The following LRRC4C variants were observed in gnomAD, a reference collection of about 807,000 sequenced individuals.
LRRC4C encodes the protein leucine rich repeat containing 4C.
In LRRC4C, 5 loss-of-function variants were observed where a neutral mutation model predicts 33.6. The ratio of observed to expected loss-of-function variants is 0.15; its 90% confidence interval spans 0.08 to 0.31. The LOEUF is 0.31. Ranked by LOEUF, LRRC4C falls within the 10% of genes least tolerant of loss-of-function variation. LRRC4C has a pLI of 1.00. For missense variants in LRRC4C, 560 were observed against 796.7 expected (o/e 0.70, Z 3.58); for synonymous variants, 329 against 302.0 (o/e 1.09, Z -0.93).
chr11:40,777,220 T>C (rs1450572752), intron 2 of LRRC4C, among the ~76,000 whole-genome samples: 1 of 152,210 alleles, frequency 6.6e-6, no homozygotes, highest in Non-Finnish European at 1.5e-5. Flanking sequence ...GAGTATTCTG[T>C]AGATGTCTAT....
At chr11:41,430,868 A>T (rs930794616) in intron 1 of LRRC4C, among the ~76,000 whole-genome samples, 2 of 151,942 alleles carry the variant, frequency 1.3e-5, no homozygotes, top group Non-Finnish European at 2.9e-5. Flanking sequence ...TTCTCATCTT[A>T]CTTTTTCCCC....
At position 40,806,763 on chromosome 11, in the gene LRRC4C, G is replaced by C. The variant is rs202129250; in HGVS notation, c.-407+126872C>G. ...TTTAGTCCCAGAAATGTATACATCTGCTTACTACATCTACTATTAGAATCT... is the reference window on the plus strand; with the variant it reads ...TTTAGTCCCAGAAATGTATACATCTCCTTACTACATCTACTATTAGAATCT... On this transcript the variant is annotated intron_variant, in intron 2 of 6. Coordinates refer to ENST00000528697, the MANE Select transcript of LRRC4C (RefSeq NM_001258419.2). Among the ~76,000 whole-genome samples the C allele has an allele frequency of 7.2e-5, 11 of 152,174 alleles. No individual in the cohort carries two copies. The East Asian group carries it at 1.9e-3, about 27-fold the overall frequency.
chr11:41,389,426 G>A (rs927524969), intron 1 of LRRC4C, among the ~76,000 whole-genome samples: 1 of 151,640 alleles, frequency 6.6e-6, no homozygotes, highest in Non-Finnish European at 1.5e-5. Context: ...AAAACACACA[G>A]CGACTAAGTT....
intron 5 of LRRC4C, among the ~76,000 whole-genome samples, chr11:40,211,670 G>A (rs1471773850): frequency 6.6e-6 from 1 of 152,114 alleles, no homozygotes; most frequent in Admixed American, 6.5e-5. Flanking sequence ...CCAGAATCTT[G>A]TACCCAGGTG....
chr11:41,432,744 C>A (rs958271798), intron 1 of LRRC4C, among the ~76,000 whole-genome samples: 2 of 152,044 alleles, frequency 1.3e-5, no homozygotes, highest in African/African-American at 4.8e-5. Context: ...ATAATTAAAT[C>A]ATTTTCCTTC....
intron 2 of LRRC4C, among the ~76,000 whole-genome samples, chr11:40,708,164 C>T (rs1946266654): frequency 6.6e-6 from 1 of 152,034 alleles, no homozygotes; most frequent in African/African-American, 2.4e-5. Context: ...AAAATCAACT[C>T]CTGGATTCAC....
intron 2 of LRRC4C, among the ~76,000 whole-genome samples, chr11:40,779,150 T>G (rs2137255077): frequency 6.6e-6 from 1 of 152,188 alleles, no homozygotes; most frequent in East Asian, 1.9e-4. Flanking sequence ...TATTTTGGCC[T>G]CTGTTATAGA....
intron 2 of LRRC4C, among the ~76,000 whole-genome samples, chr11:40,702,599 TC>T (rs1200019588): frequency 2.0e-5 from 3 of 152,172 alleles, no homozygotes; most frequent in Admixed American, 2.0e-4. Context: ...CGTCCATGTT[TC>T]CCTGTCCTCA....
intron 2 of LRRC4C, among the ~76,000 whole-genome samples, chr11:40,783,225 G>A (rs1362859040): frequency 6.6e-6 from 1 of 152,068 alleles, no homozygotes; most frequent in African/African-American, 2.4e-5. Flanking sequence ...TCAATTTTAA[G>A]GTGTTCGGTG....
At chr11:41,392,393 T>C (rs10837640) in intron 1 of LRRC4C, among the ~76,000 whole-genome samples, 78,705 of 151,512 alleles carry the variant, frequency 0.52, 21,082 homozygotes, top group Middle Eastern at 0.63. Flanking sequence ...CACTGGGCTC[T>C]GTATATTTCA....
At chr11:41,355,159 C>A (rs1050463754) in intron 1 of LRRC4C, among the ~76,000 whole-genome samples, 1 of 151,836 alleles carries the variant, frequency 6.6e-6, no homozygotes, top group Non-Finnish European at 1.5e-5. Flanking sequence ...AAAATGGGCA[C>A]AGTACATGAA....
chr11:40,431,564 CCCTCT>C (rs887906848), intron 3 of LRRC4C, among the ~76,000 whole-genome samples: 4 of 151,894 alleles, frequency 2.6e-5, no homozygotes, highest in African/African-American at 7.2e-5. Context: ...TCTCTTTTTC[CCCTCT>C]CCTTTCTTTC....
At chr11:40,140,616 T>C (rs1413172658) in intron 6 of LRRC4C, among the ~76,000 whole-genome samples, 185 bp downstream of exon 6, 1 of 152,074 alleles carries the variant, frequency 6.6e-6, no homozygotes, top group Non-Finnish European at 1.5e-5. Flanking sequence ...TCTACTATAT[T>C]GCGGCTTATT....
intron 2 of LRRC4C, among the ~76,000 whole-genome samples, chr11:40,694,975 A>G (rs1565643522): frequency 6.6e-6 from 1 of 150,626 alleles, no homozygotes; most frequent in African/African-American, 2.4e-5. Context: ...TCCTGACTTT[A>G]TATTCAGCTC....
At position 40,115,290 on chromosome 11, in the gene LRRC4C, T is replaced by A; in HGVS notation, c.1003A>T (p.Asn335Tyr). 3 of 1,614,040 alleles carry A rather than the reference T, an allele frequency of 1.9e-6. No homozygotes were observed. Among genetic ancestry groups the A allele is most frequent in the Non-Finnish European group, 2.5e-6 (3 of 1,179,978 alleles). The change falls in exon 7 of 7, where the codon AAT (asparagine) becomes TAT (tyrosine). Residue 335 changes from asparagine to tyrosine, a missense_variant. Asn to Tyr is a moderately radical substitution (Grantham distance 143). Around this residue, in one of 3 missense-constraint regions of LRRC4C, gnomAD observed 455 missense variants for 643.8 expected, o/e 0.71. Coordinates refer to ENST00000528697, the MANE Select transcript of LRRC4C (RefSeq NM_001258419.2). The surrounding 1 kb of genome is among the most constrained non-coding windows in gnomAD (Gnocchi z 6.7). ...ACCARCNTPP[N>Y]LKGRYIGELD... ...TCTCCAATGTACCTCCCCTTTAGATTGGGAGGAGTGTTACACCGGGCACAA... is the reference window on the plus strand; with the variant it reads ...TCTCCAATGTACCTCCCCTTTAGATAGGGAGGAGTGTTACACCGGGCACAA...
chr11:40,751,442 G>T (rs1333699117), intron 2 of LRRC4C, among the ~76,000 whole-genome samples: 1 of 151,988 alleles, frequency 6.6e-6, no homozygotes, highest in African/African-American at 2.4e-5. Flanking sequence ...GTTAACAATA[G>T]TCAGTAATGT....
intron 2 of LRRC4C, among the ~76,000 whole-genome samples, chr11:40,761,904 G>C (rs1453064062): frequency 6.6e-6 from 1 of 152,044 alleles, no homozygotes; most frequent in Non-Finnish European, 1.5e-5. Context: ...GTAGGAGAAG[G>C]CGCTCAGAGA....
chr11:40,913,452 G>C (rs1250660012), intron 2 of LRRC4C, among the ~76,000 whole-genome samples: 1 of 152,046 alleles, frequency 6.6e-6, no homozygotes, highest in Non-Finnish European at 1.5e-5. Context: ...TGACTACTGG[G>C]TACATAATGA....
rs1946472354 is a variant in LRRC4C, at chr11:40,711,699, C to T, written c.-406-63421G>A. Among the ~76,000 whole-genome samples the T allele has an allele frequency of 2.2e-5, 3 of 136,616 alleles. No individual in the cohort carries two copies. In the East Asian group the frequency reaches 6.4e-4, roughly 29 times the overall value. The allele number at this position is 136,616 out of a possible 152,430, so 89.6% of individuals were successfully genotyped here. A position where few individuals can be genotyped will look rare whatever the true frequency, so the allele number is the denominator to read the frequency against. ...GAGAAATCTGTGAATAGAAAAGAAACATAATTTGTAGATTCAGAGTTAGAA... is the reference window on the plus strand; with the variant it reads ...GAGAAATCTGTGAATAGAAAAGAAATATAATTTGTAGATTCAGAGTTAGAA... On this transcript the variant is annotated intron_variant, in intron 2 of 6. Coordinates refer to ENST00000528697, the MANE Select transcript of LRRC4C (RefSeq NM_001258419.2).
Sources: gnomAD v4.1 joint callset for allele counts (sites outside exome capture counted in the v4.1 genomes callset) on GRCh38, gnomAD v4.1.1 for gene constraint, gnomAD v4.1.1 regional missense constraint, Gnocchi (gnomAD v3.1) non-coding constraint, MANE v1.5 for transcripts, NCBI Gene and HGNC (gene_info 2026-07-23, HGNC 2026-07-21) for gene names.